The following KCNH8 variants were observed in gnomAD, a reference collection of about 807,000 sequenced individuals.
KCNH8 encodes potassium voltage-gated channel subfamily H member 8.
In KCNH8, 70 loss-of-function variants were observed where a neutral mutation model predicts 103.6. That is an observed-to-expected ratio of 0.68 (90% CI 0.56 to 0.82). The LOEUF (loss-of-function observed/expected upper bound fraction) is 0.82. Ranked by LOEUF, KCNH8 falls within the 40% of genes least tolerant of loss-of-function variation. The probability of loss-of-function intolerance (pLI) is 0.00; values close to 1 mark genes in which losing one functional copy is unlikely to be tolerated. For synonymous variants in KCNH8, 498 were observed against 489.4 expected, an observed-to-expected ratio of 1.02 and a Z score of -0.23; for missense variants, 1,217 against 1,329.9, an observed-to-expected ratio of 0.92 and a Z score of 1.32.
intron 6 of KCNH8, among the ~76,000 whole-genome samples, chr3:19,393,154 A>G (rs1376748052): frequency 6.6e-6 from 1 of 151,980 alleles, no homozygotes; most frequent in East Asian, 1.9e-4. Context: ...AATTCTCATC[A>G]GTGACAGATT....
At chr3:19,205,819 A>C (rs112917228) in intron 1 of KCNH8, among the ~76,000 whole-genome samples, 1 of 151,878 alleles carries the variant, frequency 6.6e-6, no homozygotes, top group Non-Finnish European at 1.5e-5. Flanking sequence ...ATTATTATTT[A>C]TTTTTTATTT....
intron 11 of KCNH8, among the ~76,000 whole-genome samples, chr3:19,479,460 AG>A (rs2068043849): frequency 6.6e-6 from 1 of 152,198 alleles, no homozygotes; most frequent in African/African-American, 2.4e-5. Context: ...TTACTCATTT[AG>A]GGTTTCAGGC....
chr3:19,375,070 G>A (rs1159854787), intron 5 of KCNH8, among the ~76,000 whole-genome samples: 1 of 151,404 alleles, frequency 6.6e-6, no homozygotes, highest in East Asian at 2.0e-4. Flanking sequence ...TGGTGAATCT[G>A]ACAATTATGT....
At chr3:19,277,792 T>G (rs1047273859) in intron 2 of KCNH8, among the ~76,000 whole-genome samples, 4 of 152,140 alleles carry the variant, frequency 2.6e-5, no homozygotes, top group African/African-American at 9.7e-5. Context: ...ACAATTGTAT[T>G]TATCCATAGA....
At chr3:19,441,318 T>C (rs1464977070) in intron 8 of KCNH8, among the ~76,000 whole-genome samples, 1 of 152,206 alleles carries the variant, frequency 6.6e-6, no homozygotes, top group African/African-American at 2.4e-5. Context: ...ACATTTGCTA[T>C]GTCCATGTTA....
intron 1 of KCNH8, among the ~76,000 whole-genome samples, chr3:19,211,496 T>C (rs1246277422): frequency 6.6e-6 from 1 of 152,180 alleles, no homozygotes; most frequent in Non-Finnish European, 1.5e-5. Context: ...ACTGCTGATA[T>C]GCACAGTAGA....
intron 1 of KCNH8, among the ~76,000 whole-genome samples, chr3:19,164,810 A>G (rs2063266892): frequency 6.6e-6 from 1 of 152,238 alleles, no homozygotes; most frequent in African/African-American, 2.4e-5. Flanking sequence ...CTCTCTTGTT[A>G]GAATAAAGTA....
intron 5 of KCNH8, among the ~76,000 whole-genome samples, chr3:19,381,234 G>GCAC (rs1436190638): frequency 1.3e-5 from 2 of 152,130 alleles, no homozygotes; most frequent in Admixed American, 1.3e-4. Flanking sequence ...AAATGAATCT[G>GCAC]CACATATATG....
intron 12 of KCNH8, among the ~76,000 whole-genome samples, 153 bp from the exon 13 acceptor site, chr3:19,512,817 A>G (rs2068804763): frequency 6.6e-6 from 1 of 152,194 alleles, no homozygotes; most frequent in Non-Finnish European, 1.5e-5. Flanking sequence ...AACACCTGAT[A>G]AAATAATAAC....
intron 3 of KCNH8, among the ~76,000 whole-genome samples, chr3:19,328,226 A>G (rs957826162): frequency 2.6e-5 from 4 of 152,138 alleles, no homozygotes; most frequent in Admixed American, 6.5e-5. Context: ...TTGCCATGTT[A>G]TTGCTACTAC....
At chr3:19,335,156 G>T (rs2065565000) in intron 3 of KCNH8, among the ~76,000 whole-genome samples, 1 of 151,604 alleles carries the variant, frequency 6.6e-6, no homozygotes, top group Non-Finnish European at 1.5e-5. Context: ...TTTTAAAGAA[G>T]ATTCCTTCTA....
intron 5 of KCNH8, among the ~76,000 whole-genome samples, chr3:19,377,033 T>C (rs1486547787): frequency 6.6e-6 from 1 of 152,188 alleles, no homozygotes. Flanking sequence ...TTATTGTGTA[T>C]AAGTTGTCAA....
At chr3:19,176,542 T>G (rs551118818) in intron 1 of KCNH8, among the ~76,000 whole-genome samples, 12 of 152,298 alleles carry the variant, frequency 7.9e-5, no homozygotes, top group African/African-American at 2.6e-4. Flanking sequence ...AAGACTATCA[T>G]TATCTTTAAA....
intron 5 of KCNH8, among the ~76,000 whole-genome samples, chr3:19,376,997 A>G (rs1198397113): frequency 1.3e-5 from 2 of 152,218 alleles, no homozygotes; most frequent in Non-Finnish European, 2.9e-5. Flanking sequence ...ATAAACATAC[A>G]TGGAAGAGGG....
chr3:19,484,758 G>A (rs768949935), intron 11 of KCNH8, among the ~76,000 whole-genome samples: 16 of 152,172 alleles, frequency 1.1e-4, no homozygotes, highest in Non-Finnish European at 1.9e-4. Context: ...ATGAACTGGG[G>A]AGAATAAGCT....
intron 7 of KCNH8, among the ~76,000 whole-genome samples, chr3:19,431,485 T>C (rs1170740408): frequency 6.6e-6 from 1 of 152,212 alleles, no homozygotes; most frequent in East Asian, 1.9e-4. Flanking sequence ...ATCAGGATAA[T>C]GCTGGCCTCC....
At chr3:19,157,152 A>T (rs2063189318) in intron 1 of KCNH8, among the ~76,000 whole-genome samples, 1 of 152,108 alleles carries the variant, frequency 6.6e-6, no homozygotes, top group Admixed American at 6.6e-5. Context: ...AAGGATCCAC[A>T]TAAGAAGTTC....
At chr3:19,190,574 T>C (rs1269447695) in intron 1 of KCNH8, among the ~76,000 whole-genome samples, 1 of 151,968 alleles carries the variant, frequency 6.6e-6, no homozygotes, top group Non-Finnish European at 1.5e-5. Context: ...TGTAGTAGCT[T>C]TGTGGGAATA....
intron 1 of KCNH8, among the ~76,000 whole-genome samples, chr3:19,247,331 A>G (rs528269498): frequency 6.6e-6 from 1 of 152,216 alleles, no homozygotes; most frequent in African/African-American, 2.4e-5. Flanking sequence ...GATGCAGTTA[A>G]GCTCCCTGAA....
Sources: gnomAD v4.1 joint callset for allele counts (sites outside exome capture counted in the v4.1 genomes callset) on GRCh38, gnomAD v4.1.1 for gene constraint, MANE v1.5 for transcripts, NCBI Gene and HGNC (gene_info 2026-07-23, HGNC 2026-07-21) for gene names.